Variants in SLCO6A1 observed in about 807,000 individuals in gnomAD.
The protein encoded by SLCO6A1 is cancer/testis antigen 48.
A neutral mutation model predicts 72.7 loss-of-function variants in SLCO6A1; 65 were observed. That is an observed-to-expected ratio of 0.89 (90% CI 0.73 to 1.10). SLCO6A1 has a LOEUF of 1.10. Ranked by LOEUF, SLCO6A1 falls within the 50% of genes least tolerant of loss-of-function variation. SLCO6A1 has a pLI of 0.00. For synonymous variants in SLCO6A1, 314 were observed against 298.2 expected (o/e 1.05, Z -0.55); for missense variants, 874 against 872.6 (o/e 1.00, Z -0.02).
At position 102,498,933 on chromosome 5, in the gene SLCO6A1, G is replaced by C; in HGVS notation, c.-89C>G. 1 of 1,262,884 alleles carries C rather than the reference G, an allele frequency of 7.9e-7. No individual in the cohort carries two copies. Among genetic ancestry groups the C allele is most frequent in the South Asian group, 1.4e-5 (1 of 70,478 alleles). The allele number at this position is 1,262,884 out of a possible 1,614,324, so 78.2% of individuals were successfully genotyped here. A position where few individuals can be genotyped will look rare whatever the true frequency, so the allele number is the denominator to read the frequency against. Reference sequence around the variant, plus strand: ...GCCAACCCAAAGGCCAGCCTGGCGAGGGCGTCGGAGGACTCGGTGGCCACA... The same window carrying C: ...GCCAACCCAAAGGCCAGCCTGGCGACGGCGTCGGAGGACTCGGTGGCCACA... On this transcript the variant is annotated 5_prime_UTR_variant, in exon 1 of 14. Transcript: ENST00000506729.
chr5:102,480,879 C>T lies in SLCO6A1; in HGVS notation c.359-445G>A, dbSNP rs1752159392. On this transcript the variant is annotated intron_variant, in intron 1 of 13. Transcript: ENST00000506729. ...TTGTCTCCCTCCCCTCCATAATCAG[C>T]ATCCTGTATTTAAAGTTTACCAGTT... Among the ~76,000 whole-genome samples, 5 of 152,296 alleles carry T rather than the reference C, an allele frequency of 3.3e-5. No homozygotes were observed. The South Asian group carries it at 8.3e-4, about 25-fold the overall frequency.
At chr5:102,395,261 A>G (rs1580347996) in intron 10 of SLCO6A1, among the ~76,000 whole-genome samples, 1 of 151,908 alleles carries the variant, frequency 6.6e-6, no homozygotes, top group African/African-American at 2.4e-5. Flanking sequence ...TCATTGTTCA[A>G]TTCCCACCTA....
chr5:102,398,035 C>T (rs951233629), intron 10 of SLCO6A1, among the ~76,000 whole-genome samples: 1 of 152,188 alleles, frequency 6.6e-6, no homozygotes, highest in South Asian at 2.1e-4. Flanking sequence ...TTGTACTGAT[C>T]ATCTTCAGTC....
At chr5:102,376,724 T>G (rs1745817059) in intron 12 of SLCO6A1, among the ~76,000 whole-genome samples, 1 of 152,138 alleles carries the variant, frequency 6.6e-6, no homozygotes, top group Non-Finnish European at 1.5e-5. Flanking sequence ...AAATATGCAT[T>G]TCTAGGTGTA....
chr5:102,415,266 A>C (rs1748218549), intron 8 of SLCO6A1, among the ~76,000 whole-genome samples: 1 of 152,200 alleles, frequency 6.6e-6, no homozygotes, highest in Non-Finnish European at 1.5e-5. Context: ...TCTAAGCAAA[A>C]GGAACAAAAT....
chr5:102,416,432 T>C (rs1335731124), intron 8 of SLCO6A1, among the ~76,000 whole-genome samples: 2 of 152,036 alleles, frequency 1.3e-5, no homozygotes, highest in Non-Finnish European at 2.9e-5. Flanking sequence ...TATGGCAACA[T>C]AGATGAAACG....
rs139919174 is a variant in SLCO6A1 at position 102,456,057 on chromosome 5, C to G, written c.1131+2325G>C. Reference sequence around the variant, plus strand: ...AAGGCCTTTGACAAAATTCAATAACCCTTCATGCTAAAAACTGTCAATAAA... The same window carrying G: ...AAGGCCTTTGACAAAATTCAATAACGCTTCATGCTAAAAACTGTCAATAAA... On this transcript the variant is annotated intron_variant, in intron 6 of 13. Transcript: ENST00000506729. Among the ~76,000 whole-genome samples, 9 of 152,198 alleles carry G rather than the reference C, an allele frequency of 5.9e-5. No homozygotes were observed. The East Asian group carries it at 1.4e-3, about 23-fold the overall frequency.
chr5:102,380,255 A>G (rs1325884172), intron 12 of SLCO6A1, among the ~76,000 whole-genome samples: 1 of 147,176 alleles, frequency 6.8e-6, no homozygotes, highest in African/African-American at 2.4e-5. Flanking sequence ...AGTGGTAAAA[A>G]TGGCAAACTA....
intron 11 of SLCO6A1, among the ~76,000 whole-genome samples, chr5:102,389,454 C>CCCCG (rs1554065645): frequency 2.4e-5 from 2 of 82,182 alleles, no homozygotes; most frequent in Non-Finnish European, 2.5e-5. Flanking sequence ...CGCCCCCCAC[C>CCCCG]CCCACACACA....
chr5:102,454,951 T>C (rs899339481), intron 6 of SLCO6A1, among the ~76,000 whole-genome samples: 4 of 148,400 alleles, frequency 2.7e-5, no homozygotes, highest in African/African-American at 9.9e-5. Flanking sequence ...TATTTCTGAT[T>C]TTATACAACA....
intron 1 of SLCO6A1, among the ~76,000 whole-genome samples, chr5:102,489,512 T>C (rs1752583001): frequency 6.6e-6 from 1 of 152,204 alleles, no homozygotes; most frequent in Non-Finnish European, 1.5e-5. Context: ...TTTTTTTTAA[T>C]GCTCAACATC....
At chr5:102,460,598 A>G (rs1051503236) in intron 4 of SLCO6A1, among the ~76,000 whole-genome samples, 2 of 152,080 alleles carry the variant, frequency 1.3e-5, no homozygotes, top group Admixed American at 6.6e-5. Flanking sequence ...ATTAATACAT[A>G]GACGCCATTG....
intron 12 of SLCO6A1, among the ~76,000 whole-genome samples, chr5:102,384,273 G>A (rs1235056359): frequency 6.6e-6 from 1 of 151,778 alleles, no homozygotes; most frequent in Non-Finnish European, 1.5e-5. Flanking sequence ...TGTAACATTA[G>A]ATTCAGTCAG....
intron 7 of SLCO6A1, among the ~76,000 whole-genome samples, chr5:102,435,385 G>A (rs1749472536): frequency 6.6e-6 from 1 of 151,994 alleles, no homozygotes. Flanking sequence ...TACTATGACT[G>A]CTGTTAAACT....
chr5:102,405,209 A>G (rs1054632434), intron 9 of SLCO6A1, among the ~76,000 whole-genome samples: 7 of 152,098 alleles, frequency 4.6e-5, no homozygotes, highest in African/African-American at 1.7e-4. Context: ...TCTAAATGAA[A>G]GAAAAGCAGC....
intron 7 of SLCO6A1, among the ~76,000 whole-genome samples, chr5:102,422,919 CA>C (rs1211047768): frequency 6.6e-6 from 1 of 152,054 alleles, no homozygotes; most frequent in Non-Finnish European, 1.5e-5. Context: ...AGACTAAGAG[CA>C]GATCTCTCTG....
At chr5:102,494,327 A>G (rs1323397558) in intron 1 of SLCO6A1, among the ~76,000 whole-genome samples, 3 of 152,182 alleles carry the variant, frequency 2.0e-5, no homozygotes, top group Admixed American at 6.5e-5. Flanking sequence ...TAACACCTCT[A>G]GAAGAAAAGC....
chr5:102,406,421 G>A (rs1220317094), intron 9 of SLCO6A1, among the ~76,000 whole-genome samples: 1 of 151,948 alleles, frequency 6.6e-6, no homozygotes, highest in African/African-American at 2.4e-5. Flanking sequence ...AAAAAGATGT[G>A]ACAATTATTA....
intron 4 of SLCO6A1, among the ~76,000 whole-genome samples, chr5:102,469,037 G>A (rs1751457488): frequency 6.6e-6 from 1 of 152,124 alleles, no homozygotes; most frequent in Admixed American, 6.6e-5. Flanking sequence ...TTTGGTACCA[G>A]TACCATGCTG....
Sources: gnomAD v4.1 joint callset for allele counts (sites outside exome capture counted in the v4.1 genomes callset) on GRCh38, gnomAD v4.1.1 for gene constraint, MANE v1.5 for transcripts, NCBI Gene and HGNC (gene_info 2026-07-23, HGNC 2026-07-21) for gene names.